The following EYS variants were observed in gnomAD, a reference collection of about 807,000 sequenced individuals.
EYS encodes EGF-like photoreceptor maintenance factor, also known as protein eyes shut homolog.
A neutral mutation model predicts 282.1 loss-of-function variants in EYS; 250 were observed. The ratio of observed to expected loss-of-function variants is 0.89; its 90% CI spans 0.80 to 0.98. The LOEUF is 0.98. EYS is among the 50% of genes least tolerant of loss of function. EYS has a pLI of 0.00. For missense variants in EYS, 4,016 were observed against 3,709.0 expected, an observed-to-expected ratio of 1.08 and a Z score of -2.15; for synonymous variants, 1,355 against 1,282.9, an observed-to-expected ratio of 1.06 and a Z score of -1.20.
At chr6:64,220,315 C>T (rs995284506) in intron 31 of EYS, among the ~76,000 whole-genome samples, 22 of 152,150 alleles carry the variant, frequency 1.4e-4, no homozygotes, top group Admixed American at 7.9e-4. Context: ...TTTCTCTGTG[C>T]TCAGTTTTTT....
intron 19 of EYS, among the ~76,000 whole-genome samples, chr6:64,873,349 G>T (rs1263466229): frequency 5.3e-5 from 8 of 151,988 alleles, no homozygotes; most frequent in Admixed American, 5.3e-4. Flanking sequence ...CACAACATAT[G>T]GGAATTCAAG....
At chr6:65,698,452 T>C (rs1769538535) in intron 1 of EYS, among the ~76,000 whole-genome samples, 1 of 152,118 alleles carries the variant, frequency 6.6e-6, no homozygotes, top group Admixed American at 6.5e-5. Context: ...AATATAAGAC[T>C]TTTTCTTGAA....
intron 28 of EYS, among the ~76,000 whole-genome samples, chr6:64,432,735 TCTAC>T (rs1472301355): frequency 6.6e-6 from 1 of 151,960 alleles, no homozygotes; most frequent in Non-Finnish European, 1.5e-5. Context: ...AGCAGCACCT[TCTAC>T]CTTAATGTTC....
intron 29 of EYS, among the ~76,000 whole-genome samples, chr6:64,312,793 G>C (rs748372080): frequency 2.0e-5 from 3 of 152,146 alleles, no homozygotes; most frequent in Non-Finnish European, 4.4e-5. Context: ...AGAGGGAACT[G>C]ACTGTTAGAA....
intron 2 of EYS, among the ~76,000 whole-genome samples, chr6:65,595,994 C>A (rs561045704): frequency 2.6e-5 from 4 of 152,038 alleles, no homozygotes; most frequent in Admixed American, 6.6e-5. Context: ...CAGCCTATTG[C>A]GAGCACCCCT....
chr6:65,440,427 CTTTAA>C (rs1220310441), intron 5 of EYS, among the ~76,000 whole-genome samples: 6 of 150,976 alleles, frequency 4.0e-5, no homozygotes, highest in African/African-American at 2.4e-5. Context: ...ACCCCCTTGA[CTTTAA>C]TTTAATACAT....
At position 65,521,351 on chromosome 6, in the gene EYS, C is replaced by A. The variant is rs563477725; in HGVS notation, c.-332-25358G>T. 3.9e-5 allele frequency among the ~76,000 whole-genome samples: 6 copies of A among 152,150 alleles called. No individual in the cohort carries two copies. In the East Asian group the frequency reaches 1.2e-3, roughly 29 times the overall value. On this transcript the variant is annotated intron_variant, in intron 2 of 42. Transcript: ENST00000503581. ...CTGAATAAATTACTGAACACAGTTT[C>A]CCCATCAGTGAAAAGAAGGTAATGC...
At chr6:64,034,000 T>C (rs1030540344) in intron 33 of EYS, among the ~76,000 whole-genome samples, 35 of 152,182 alleles carry the variant, frequency 2.3e-4, no homozygotes, top group African/African-American at 8.4e-4. Context: ...GGAGCACTGA[T>C]TTAATTAACA....
chr6:64,002,862 T>G (rs1032546757), intron 33 of EYS, among the ~76,000 whole-genome samples: 8 of 152,210 alleles, frequency 5.3e-5, no homozygotes, highest in African/African-American at 1.9e-4. Context: ...AAATTGTGTC[T>G]TTTGCTTATT....
intron 1 of EYS, among the ~76,000 whole-genome samples, chr6:65,661,354 T>C (rs1767993837): frequency 6.6e-6 from 1 of 152,026 alleles, no homozygotes; most frequent in African/African-American, 2.4e-5. Flanking sequence ...CCCTTCCATG[T>C]AGTGACCATT....
At chr6:64,966,248 A>G (rs1440212257) in intron 14 of EYS, among the ~76,000 whole-genome samples, 1 of 152,200 alleles carries the variant, frequency 6.6e-6, no homozygotes, top group Non-Finnish European at 1.5e-5. Context: ...GCTAATGGAT[A>G]GATTATTTTT....
intron 33 of EYS, among the ~76,000 whole-genome samples, chr6:64,045,635 C>T (rs1430200552): frequency 6.6e-6 from 1 of 150,398 alleles, no homozygotes; most frequent in Admixed American, 6.6e-5. Flanking sequence ...TTAGTAGAGA[C>T]GGGGTTTCAC....
At chr6:64,775,828 G>A (rs187223101) in intron 22 of EYS, among the ~76,000 whole-genome samples, 1 of 151,990 alleles carries the variant, frequency 6.6e-6, no homozygotes, top group African/African-American at 2.4e-5. Context: ...CATCAAGGTA[G>A]TACAATATAT....
intron 22 of EYS, among the ~76,000 whole-genome samples, chr6:64,714,761 C>T (rs1359058293): frequency 2.0e-5 from 3 of 151,936 alleles, no homozygotes; most frequent in South Asian, 2.1e-4. Context: ...CTCCTGACCT[C>T]GTGATCCGCC....
intron 36 of EYS, among the ~76,000 whole-genome samples, chr6:63,829,979 C>T (rs1441032057): frequency 6.6e-6 from 1 of 152,324 alleles, no homozygotes; most frequent in Non-Finnish European, 1.5e-5. Context: ...CAGGAAACTC[C>T]AACAGACCTG....
chr6:65,618,981 T>A (rs1391162962), intron 2 of EYS, among the ~76,000 whole-genome samples: 1 of 152,186 alleles, frequency 6.6e-6, no homozygotes, highest in Non-Finnish European at 1.5e-5. Flanking sequence ...TGAAGTCAGG[T>A]AGTGTGATGC....
At chr6:64,619,022 TA>T (rs1767363597) in intron 23 of EYS, among the ~76,000 whole-genome samples, 1 of 152,168 alleles carries the variant, frequency 6.6e-6, no homozygotes, top group Non-Finnish European at 1.5e-5. Context: ...TGCATACATA[TA>T]TAATAAAACT....
At chr6:63,762,870 G>A (rs924093315) in intron 40 of EYS, among the ~76,000 whole-genome samples, 11 of 152,014 alleles carry the variant, frequency 7.2e-5, no homozygotes, top group African/African-American at 2.7e-4. Flanking sequence ...AGAATTTTTT[G>A]AGAATTGTTT....
intron 36 of EYS, among the ~76,000 whole-genome samples, chr6:63,851,060 G>C (rs1772234750): frequency 6.6e-6 from 1 of 152,178 alleles, no homozygotes; most frequent in Admixed American, 6.5e-5. Flanking sequence ...AACCAACAAA[G>C]ATCAAGAGAG....
Sources: allele counts gnomAD v4.1 joint callset (sites outside exome capture counted in the v4.1 genomes callset), GRCh38; gene constraint gnomAD v4.1.1; transcripts MANE v1.5; gene names NCBI Gene and HGNC (gene_info 2026-07-23, HGNC 2026-07-21).